CILP2: variants seen among roughly 807,000 people sequenced by gnomAD.
The protein encoded by CILP2 is cartilage intermediate layer protein 2, also known as CILP-2.
In CILP2, 38 loss-of-function variants were observed where a neutral mutation model predicts 45.6. The ratio of observed to expected loss-of-function variants is 0.83; its 90% CI spans 0.64 to 1.09. The LOEUF is 1.09. Among genes scored for constraint, CILP2 ranks in the 50% least tolerant of loss-of-function variants. The pLI, the probability that CILP2 is intolerant of heterozygous loss-of-function variation, is 0.00. For synonymous variants in CILP2, 780 were observed against 723.5 expected, an observed-to-expected ratio of 1.08 and a Z score of -1.25; for missense variants, 1,735 against 1,662.2, an observed-to-expected ratio of 1.04 and a Z score of -0.76.
In CILP2 at chr19:19,538,408, C is replaced by T; in HGVS notation, c.59C>T (p.Ala20Val). Residue 20 changes from alanine (A) to valine (V), a missense_variant, in exon 1 of 8, where the codon GCC becomes GTC. Transcript: ENST00000291495. Reference protein sequence around the residue: ...LCVVAAHLAGARDATPTEEPM... With the variant: ...LCVVAAHLAGVRDATPTEEPM... ...GTCGTCGCTGCGCACCTGGCGGGGG[C>T]CCGAGGTGAGGCGCCTCCAGCCCCC... 6.4e-7 allele frequency: 1 copy of T among 1,551,326 alleles called. No individual in the cohort carries two copies. The highest frequency in any genetic ancestry group is 8.6e-7 in the Non-Finnish European group (1 of 1,157,432).
Position 19,545,243 on chromosome 19 carries a change from G to A in CILP2, c.2698G>A (p.Ala900Thr), listed in dbSNP as rs541483234. ...GGTGACTGCCAGCCACTTCCGCTTCGCCAGGGTGGAGGCGGACAAGTACGA... is the reference window on the plus strand; with the variant it reads ...GGTGACTGCCAGCCACTTCCGCTTCACCAGGGTGGAGGCGGACAAGTACGA... The part of the protein sequence containing the change: ...APVTASHFRF[A>T]RVEADKYEYN... Residue 900 changes from alanine (A) to threonine (T), a missense_variant, in exon 8 of 8, where the codon GCC (alanine) becomes ACC (threonine). Transcript: ENST00000291495. 8 of 1,612,374 alleles carry A rather than the reference G, an allele frequency of 5.0e-6. No individual in the cohort carries two copies. In the African/African-American group the frequency reaches 5.3e-5, roughly 11 times the overall value.
Position 19,540,442 on chromosome 19 carries a change from C to A in CILP2, c.402C>A (p.Cys134Ter). 6.8e-7 allele frequency: 1 copy of A among 1,465,298 alleles called. No homozygotes were observed. The highest frequency in any genetic ancestry group is 9.0e-7 in the Non-Finnish European group (1 of 1,113,032). 90.8% of individuals were successfully genotyped at this position (1,465,298 alleles called of 1,614,324 possible). A position where few individuals can be genotyped will look rare whatever the true frequency, so the allele number is the denominator to read the frequency against. ...LNREQPRGRR[C>*]SNYHVRFRCP... Reference sequence around the variant, plus strand: ...GCGAGCAACCGCGTGGCCGCCGCTGCTCCAACTACCACGTGCGCTTCCGCT... The same window carrying A: ...GCGAGCAACCGCGTGGCCGCCGCTGATCCAACTACCACGTGCGCTTCCGCT... The change falls in exon 3 of 8, where the codon TGC becomes TGA. Residue 134 changes from cysteine (C) to a stop codon, truncating the protein, a stop_gained. Coordinates refer to ENST00000291495, the MANE Select transcript of CILP2 (RefSeq NM_153221.2). LOFTEE classifies it high-confidence loss of function.
chr19:19,539,563 CAAAA>C (rs34962863), intron 1 of CILP2, 112 bp from the exon 2 acceptor site: 611 of 389,840 alleles, frequency 1.6e-3, no homozygotes, highest in Middle Eastern at 2.8e-3. Flanking sequence ...GATTCCGTCT[CAAAA>C]AAAAAAAAAA....
chr19:19,540,397 C>T lies in CILP2; in HGVS notation c.357C>T (p.Arg119=), dbSNP rs539835682. The change falls in exon 3 of 8, where the codon CGC becomes CGT. Residue 119 remains arginine (R), a synonymous_variant. Coordinates refer to ENST00000291495, the MANE Select transcript of CILP2 (RefSeq NM_153221.2). The part of the protein sequence containing the change: ...VGERVHLNPT[R]GFWCLNREQP... ...AGCGCGTGCACTTGAACCCCACGCG[C>T]GGCTTCTGGTGCCTCAACCGCGAGC... is the stretch of plus-strand genomic sequence containing the variant. 266 of 1,521,682 alleles carry T rather than the reference C, an allele frequency of 1.7e-4. No homozygotes were observed. Among genetic ancestry groups the T allele is most frequent in the African/African-American group, 2.4e-4 (17 of 70,426 alleles). The allele number at this position is 1,521,682 out of a possible 1,614,324, so 94.3% of individuals were successfully genotyped here.
In CILP2 at chr19:19,543,968, G is replaced by C. The variant is rs1026689133; in HGVS notation, c.1423G>C (p.Val475Leu). The change falls in exon 8 of 8, where the codon GTC (valine) becomes CTC (leucine). Residue 475 changes from valine (V) to leucine (L), a missense_variant. Physicochemically the swap from Val to Leu is conservative, Grantham distance 32 (BLOSUM62 1). Coordinates refer to ENST00000291495, the MANE Select transcript of CILP2 (RefSeq NM_153221.2). ...CQKCLPPRGL[V>L]RGRVVAADSG... Reference sequence around the variant, plus strand: ...GAAGTGTCTGCCCCCTCGGGGGCTGGTCCGGGGCCGTGTTGTGGCTGCTGA... The same window carrying C: ...GAAGTGTCTGCCCCCTCGGGGGCTGCTCCGGGGCCGTGTTGTGGCTGCTGA... 2 of 1,613,406 alleles carry C rather than the reference G, an allele frequency of 1.2e-6. No homozygotes were observed. The highest frequency in any genetic ancestry group is 1.7e-6 in the Non-Finnish European group (2 of 1,179,756).
Position 19,545,021 on chromosome 19 carries a change from C to A in CILP2, c.2476C>A (p.Arg826Ser). 1 of 1,605,478 alleles carries A rather than the reference C, an allele frequency of 6.2e-7. No individual in the cohort carries two copies. Residue 826 changes from arginine to serine, a missense_variant, in exon 8 of 8, where the codon CGC (arginine) becomes AGC (serine). Transcript: ENST00000291495. ...EELEPAPSLPRPLPATVGVTQ... is the reference protein window; with the variant it reads ...EELEPAPSLPSPLPATVGVTQ... ...GCTGGAGCCGGCCCCTTCCTTGCCC[C>A]GCCCACTCCCGGCCACCGTGGGCGT...
chr19:19,542,576 G>T lies in CILP2; in HGVS notation c.794G>T (p.Gly265Val). 1 of 1,614,092 alleles carries T rather than the reference G, an allele frequency of 6.2e-7. No individual in the cohort carries two copies. Among genetic ancestry groups the T allele is most frequent in the East Asian group, 2.2e-5 (1 of 44,866 alleles). Residue 265 changes from glycine (G) to valine (V), a missense_variant, in exon 5 of 8, where the codon GGC becomes GTC. Gly to Val is a moderately radical substitution (Grantham distance 109). Transcript: ENST00000291495. ...GCCAACATCAGGGCCCAGATGGATG[G>T]CTTCTCTGCAGGGGAGGCCCAGGCC... The part of the protein sequence containing the change: ...SRANIRAQMD[G>V]FSAGEAQAQA...
chr19:19,544,436 G>A lies in CILP2; in HGVS notation c.1891G>A (p.Asp631Asn), dbSNP rs1221475168. The A allele has an allele frequency of 6.2e-7, 1 of 1,609,886 alleles. No homozygotes were observed. Among genetic ancestry groups the A allele is most frequent in the Non-Finnish European group, 8.5e-7 (1 of 1,179,680 alleles). Reference sequence around the variant, plus strand: ...CAGTGACCTGCGCTTCGTGGACAGCGACGGCGAGCTGGCTCCACTGCGCAC... The same window carrying A: ...CAGTGACCTGCGCTTCGTGGACAGCAACGGCGAGCTGGCTCCACTGCGCAC... ...APSDLRFVDS[D>N]GELAPLRTYG... The change falls in exon 8 of 8, where the codon GAC (aspartate) becomes AAC (asparagine). Residue 631 changes from aspartate (D) to asparagine (N), a missense_variant. By Grantham distance (23) the Asp-to-Asn change is conservative. Transcript: ENST00000291495.
intron 1 of CILP2, 70 bp downstream of exon 1, chr19:19,538,483 AG>A: frequency 1.6e-6 from 2 of 1,256,798 alleles, no homozygotes; most frequent in Non-Finnish European, 2.1e-6. Flanking sequence ...CCTTGGGTGA[AG>A]CCGCACTCGG....
rs766826436 is a variant in CILP2, at chr19:19,540,221, T to C, written c.181T>C (p.Ser61Pro). 1.3e-6 allele frequency: 2 copies of C among 1,594,540 alleles called. No individual in the cohort carries two copies. Among genetic ancestry groups the C allele is most frequent in the African/African-American group, 2.7e-5 (2 of 73,626 alleles). The part of the protein sequence containing the change: ...EDWEEASEWT[S>P]WFNVDHPGGD... ...GCCCGCAGAGGCCAGCGAGTGGACG[T>C]CCTGGTTCAACGTGGACCACCCCGG... Residue 61 changes from serine to proline, a missense_variant, in exon 3 of 8, where the codon TCC (serine) becomes CCC (proline). Physicochemically the swap from Ser to Pro is moderately conservative, Grantham distance 74. Coordinates refer to ENST00000291495, the MANE Select transcript of CILP2 (RefSeq NM_153221.2).
chr19:19,545,073 G>A lies in CILP2; in HGVS notation c.2528G>A (p.Gly843Glu). 6.2e-7 allele frequency: 1 copy of A among 1,609,686 alleles called. No individual in the cohort carries two copies. Among genetic ancestry groups the A allele is most frequent in the Non-Finnish European group, 8.5e-7 (1 of 1,178,746 alleles). The change falls in exon 8 of 8, where the codon GGG (glycine) becomes GAG (glutamate). Residue 843 changes from glycine to glutamate, a missense_variant. Transcript: ENST00000291495. ...GVTQPYLDRL[G>E]YRRTDHDDPA... ...ACCCAGCCCTACCTGGACAGGCTGG[G>A]GTACCGTCGGACGGACCACGACGAT...
Position 19,542,456 on chromosome 19 carries a change from G to A in CILP2, c.674G>A (p.Gly225Glu). The stretch of plus-strand genomic sequence containing the variant: ...ACCCCATCTGGGCAACCACTGCTAG[G>A]AGCCAGGGTCTCCCTGCGAGACCAG... ...VVTPSGQPLL[G>E]ARVSLRDQPG... Residue 225 changes from glycine (G) to glutamate (E), a missense_variant, in exon 5 of 8, where the codon GGA becomes GAA. Coordinates refer to ENST00000291495, the MANE Select transcript of CILP2 (RefSeq NM_153221.2). 2 of 1,612,894 alleles carry A rather than the reference G, an allele frequency of 1.2e-6. No homozygotes were observed. Among genetic ancestry groups the A allele is most frequent in the Non-Finnish European group, 8.5e-7 (1 of 1,180,000 alleles).
rs745895129 is a variant in CILP2 at position 19,538,370 on chromosome 19, G to C, written c.21G>C (p.Leu7=). The change falls in exon 1 of 8, where the codon CTG becomes CTC. Residue 7 remains leucine, a synonymous_variant. Transcript: ENST00000291495. ...CGGCCATGGCGTCGCTGCTGCCACT[G>C]CTCTGTCTCTGTGTCGTCGCTGCGC... MASLLP[L]LCLCVVAAHL... 3.2e-6 allele frequency: 5 copies of C among 1,581,272 alleles called. No homozygotes were observed. The East Asian group carries it at 1.2e-4, about 38-fold the overall frequency.
chr19:19,545,911 G>A lies in CILP2; in HGVS notation c.3366G>A (p.Pro1122=), dbSNP rs757426237. The change falls in exon 8 of 8, where the codon CCG becomes CCA. Residue 1122 remains proline, a synonymous_variant. Coordinates refer to ENST00000291495, the MANE Select transcript of CILP2 (RefSeq NM_153221.2). ...TCTTCCAGAGGCTGCTGGAGTCCCCGGCGACAGCACTTGGTGACATCCGCA... is the reference window on the plus strand; with the variant it reads ...TCTTCCAGAGGCTGCTGGAGTCCCCAGCGACAGCACTTGGTGACATCCGCA... ...PSLFQRLLES[P]ATALGDIRRE... 51 of 1,581,892 alleles carry A rather than the reference G, an allele frequency of 3.2e-5. No homozygotes were observed. The highest frequency in any genetic ancestry group is 2.0e-4 in the East Asian group (9 of 44,080).
Position 19,544,051 on chromosome 19 carries a change from C to G in CILP2, c.1506C>G (p.Phe502Leu). 6.2e-7 allele frequency: 1 copy of G among 1,613,838 alleles called. No homozygotes were observed. Among genetic ancestry groups the G allele is most frequent in the Middle Eastern group, 1.7e-4 (1 of 6,040 alleles). ...RILLGQEPIG[F>L]TAYQGDFTIE... ...TGCTGGGCCAGGAGCCCATCGGCTT[C>G]ACCGCCTACCAGGGCGACTTTACCA... The change falls in exon 8 of 8, where the codon TTC (phenylalanine) becomes TTG (leucine). Residue 502 changes from phenylalanine (F) to leucine (L), a missense_variant. Coordinates refer to ENST00000291495, the MANE Select transcript of CILP2 (RefSeq NM_153221.2).
chr19:19,540,534 C>A, intron 3 of CILP2, 58 bp downstream of exon 3: 2 of 924,906 alleles, frequency 2.2e-6, no homozygotes, highest in East Asian at 6.5e-5. Flanking sequence ...CTGGCGAACG[C>A]CGGGAAGAGT....
At chr19:19,539,198 G>T (rs1395196616) in intron 1 of CILP2, among the ~76,000 whole-genome samples, 1 of 152,152 alleles carries the variant, frequency 6.6e-6, no homozygotes. Context: ...CGCTGGAGGA[G>T]AGTGTATGGC....
intron 5 of CILP2, 102 bp from the exon 6 acceptor site, chr19:19,542,762 A>G: frequency 6.3e-7 from 1 of 1,580,858 alleles, no homozygotes; most frequent in Non-Finnish European, 8.7e-7. Flanking sequence ...TGGCGAAGGC[A>G]CAGAGTGAGT....
Position 19,545,428 on chromosome 19 carries a change from C to T in CILP2, c.2883C>T (p.Ser961=). The stretch of plus-strand genomic sequence containing the variant: ...TCCGCTCCCACAACGCAGGGGGCAG[C>T]CACCCACGCACCCGCGGCCAGCTCT... ...YMVRSHNAGG[S]HPRTRGQLYG... The change falls in exon 8 of 8, where the codon AGC becomes AGT. Residue 961 remains serine (S), a synonymous_variant. Coordinates refer to ENST00000291495, the MANE Select transcript of CILP2 (RefSeq NM_153221.2). 4.3e-6 allele frequency: 7 copies of T among 1,612,452 alleles called. No individual in the cohort carries two copies. Among genetic ancestry groups the T allele is most frequent in the Non-Finnish European group, 5.9e-6 (7 of 1,179,718 alleles).
Sources: gnomAD v4.1 joint callset for allele counts (sites outside exome capture counted in the v4.1 genomes callset) on GRCh38, gnomAD v4.1.1 for gene constraint, MANE v1.5 for transcripts, NCBI Gene and HGNC (gene_info 2026-07-23, HGNC 2026-07-21) for gene names.